Variants in AARS1 observed in about 807,000 individuals in gnomAD.
The protein encoded by AARS1 is alanyl-tRNA synthetase 1.
In AARS1, 72 loss-of-function variants were observed where a neutral mutation model predicts 108.9. The observed-to-expected ratio is 0.66, with a 90% CI of 0.55 to 0.80. The LOEUF is 0.80. Among genes scored for constraint, AARS1 ranks in the 30% least tolerant of loss-of-function variants. The pLI, the probability that AARS1 is intolerant of heterozygous loss-of-function variation, is 0.00. For missense variants in AARS1, 1,193 were observed against 1,233.2 expected, an observed-to-expected ratio of 0.97 and a Z score of 0.49; for synonymous variants, 489 against 465.7, an observed-to-expected ratio of 1.05 and a Z score of -0.64.
chr16:70,268,621 G>C (rs1046819337), intron 7 of AARS1, among the ~76,000 whole-genome samples: 1 of 152,180 alleles, frequency 6.6e-6, no homozygotes, highest in African/African-American at 2.4e-5. Flanking sequence ...GTTACCCATA[G>C]AGGGAGGAAA....
intron 5 of AARS1, among the ~76,000 whole-genome samples, chr16:70,271,075 T>C (rs963589624): frequency 3.3e-5 from 5 of 151,940 alleles, no homozygotes; most frequent in African/African-American, 4.8e-5. Flanking sequence ...CTCAGCAGGC[T>C]GAGGCAGGAG....
Position 70,253,365 on chromosome 16 carries a change from A to G in AARS1, c.2624T>C (p.Leu875Ser), listed in dbSNP as rs1252000918. The G allele has an allele frequency of 6.2e-7, 1 of 1,613,884 alleles. No homozygotes were observed. The highest frequency in any genetic ancestry group is 2.2e-5 in the East Asian group (1 of 44,896). ...AGGGGAGTGCATCTTGAAGAGCTTC[A>G]AGGCTTCATTCAGGGCCTGTGGGGA... ...GASAKALNEA[L>S]KLFKMHSPQT... Residue 875 changes from leucine to serine, a missense_variant, in exon 20 of 21, where the codon TTG (leucine) becomes TCG (serine). Transcript: ENST00000261772.
At chr16:70,288,465 T>C (rs1413170022) in intron 1 of AARS1, among the ~76,000 whole-genome samples, 1 of 151,908 alleles carries the variant, frequency 6.6e-6, no homozygotes, top group Non-Finnish European at 1.5e-5. Context: ...CCTCAAGTGT[T>C]TCCCTTCATA....
Position 70,271,784 on chromosome 16 carries a change from T to C in AARS1, c.668A>G (p.Asn223Ser). ...EIWNLVFIQYNREADGILKPL... is the reference protein window; with the variant it reads ...EIWNLVFIQYSREADGILKPL... ...TGGAGTAGGAACCCAAGGCTACCTGTTATACTGGATGAACACAAGGTTCCA... is the reference window on the plus strand; with the variant it reads ...TGGAGTAGGAACCCAAGGCTACCTGCTATACTGGATGAACACAAGGTTCCA... Residue 223 changes from asparagine (N) to serine (S), a missense_variant, in exon 5 of 21, where the codon AAC becomes AGC. Coordinates refer to ENST00000261772, the MANE Select transcript of AARS1 (RefSeq NM_001605.3). The C allele has an allele frequency of 6.2e-7, 1 of 1,613,886 alleles. No individual in the cohort carries two copies. Among genetic ancestry groups the C allele is most frequent in the Middle Eastern group, 1.7e-4 (1 of 6,054 alleles).
intron 1 of AARS1, among the ~76,000 whole-genome samples, chr16:70,287,702 CA>C (rs971832870): frequency 2.6e-5 from 4 of 151,958 alleles, no homozygotes; most frequent in African/African-American, 9.7e-5. Context: ...ATGGTCACAC[CA>C]AAACATTCCA....
In AARS1 at chr16:70,262,498, T is replaced by C. The variant is rs1064797212; in HGVS notation, c.1519A>G (p.Met507Val). 1.9e-6 allele frequency: 3 copies of C among 1,613,856 alleles called. No individual in the cohort carries two copies. Among genetic ancestry groups the C allele is most frequent in the Non-Finnish European group, 2.5e-6 (3 of 1,179,796 alleles). The change falls in exon 12 of 21, where the codon ATG (methionine) becomes GTG (valine). Residue 507 changes from methionine to valine, a missense_variant. Physicochemically the swap from Met to Val is conservative, Grantham distance 21. Transcript: ENST00000261772. ...YVFENTVATV[M>V]ALRREKMFVE... ...AACATCTTCTCCCTGCGCAGAGCCATCACCGTAGCCACTGTGTTCTCAAAT... is the reference window on the plus strand; with the variant it reads ...AACATCTTCTCCCTGCGCAGAGCCACCACCGTAGCCACTGTGTTCTCAAAT...
Position 70,258,922 on chromosome 16 carries a change from C to A in AARS1, c.1992+58G>T. 1.9e-6 allele frequency: 3 copies of A among 1,557,560 alleles called. No individual in the cohort carries two copies. The South Asian group carries it at 3.3e-5, about 17-fold the overall frequency. On this transcript the variant is annotated intron_variant, in intron 14 of 20. Coordinates refer to ENST00000261772, the MANE Select transcript of AARS1 (RefSeq NM_001605.3). ...GAGTGAGAGCACCGCACTGCTAAGA[C>A]TGTGGACAGACAGTGACGGTGTGGG...
chr16:70,264,908 C>G (rs1445065840), intron 11 of AARS1, 50 bp downstream of exon 11: 6 of 1,611,968 alleles, frequency 3.7e-6, no homozygotes, highest in Non-Finnish European at 5.1e-6. Context: ...TCAAATACCC[C>G]CCAGATACGG....
At chr16:70,259,241 C>A in intron 13 of AARS1, 55 bp from the exon 14 acceptor site, 1 of 1,538,438 alleles carries the variant, frequency 6.5e-7, no homozygotes, top group South Asian at 1.1e-5. Flanking sequence ...CTAGTTATCT[C>A]CTCGTTATCT....
intron 2 of AARS1, among the ~76,000 whole-genome samples, chr16:70,277,546 AG>A (rs1269352051): frequency 6.6e-6 from 1 of 152,100 alleles, no homozygotes; most frequent in Non-Finnish European, 1.5e-5. Context: ...AGTAAATGTG[AG>A]GAAGAAGAAA....
intron 1 of AARS1, 66 bp downstream of exon 1, chr16:70,289,355 C>G: frequency 5.6e-6 from 2 of 355,414 alleles, no homozygotes; most frequent in Non-Finnish European, 1.1e-5. Flanking sequence ...GGCTGCGGAG[C>G]TTTCCCCCCA....
chr16:70,275,054 G>T (rs1431753605), intron 4 of AARS1, among the ~76,000 whole-genome samples: 1 of 150,802 alleles, frequency 6.6e-6, no homozygotes, highest in Non-Finnish European at 1.5e-5. Flanking sequence ...GAAGTCAGGA[G>T]TTTGAGACTA....
chr16:70,272,988 A>C (rs1960447031), intron 4 of AARS1, among the ~76,000 whole-genome samples: 1 of 151,948 alleles, frequency 6.6e-6, no homozygotes, highest in East Asian at 1.9e-4. Flanking sequence ...CAGTACATGA[A>C]GTCAAGGTAA....
At chr16:70,287,851 C>A (rs1470096437) in intron 1 of AARS1, among the ~76,000 whole-genome samples, 1 of 152,122 alleles carries the variant, frequency 6.6e-6, no homozygotes, top group East Asian at 1.9e-4. Flanking sequence ...CCGCAATCTC[C>A]ACCTCCCGGC....
At chr16:70,265,203 A>T in intron 10 of AARS1, 101 bp from the exon 11 acceptor site, 1 of 1,465,858 alleles carries the variant, frequency 6.8e-7, no homozygotes, top group Non-Finnish European at 9.5e-7. Context: ...AACTGCCAGA[A>T]CAGGGTTTTT....
intron 15 of AARS1, among the ~76,000 whole-genome samples, chr16:70,256,347 C>A (rs1201395517): frequency 6.6e-6 from 1 of 152,116 alleles, no homozygotes; most frequent in African/African-American, 2.4e-5. Context: ...TTCTGTTGTT[C>A]AGGCTGGAGT....
At chr16:70,265,404 C>A (rs1008479638) in intron 10 of AARS1, 134 bp downstream of exon 10, 5 of 1,387,224 alleles carry the variant, frequency 3.6e-6, no homozygotes, top group Non-Finnish European at 5.1e-6. Context: ...GACTCGCCCC[C>A]ACTTGAGAAC....
At chr16:70,281,983 C>G (rs1960707120) in intron 2 of AARS1, among the ~76,000 whole-genome samples, 3 of 152,160 alleles carry the variant, frequency 2.0e-5, no homozygotes, top group African/African-American at 4.8e-5. Context: ...AACCCCATCT[C>G]TACTAAAAAT....
intron 1 of AARS1, among the ~76,000 whole-genome samples, chr16:70,286,515 C>G (rs191588152): frequency 3.9e-5 from 6 of 152,158 alleles, no homozygotes; most frequent in African/African-American, 7.2e-5. Context: ...CATGTGCCAC[C>G]AAACCCGACT....
Sources: gnomAD v4.1 joint callset for allele counts (sites outside exome capture counted in the v4.1 genomes callset) on GRCh38, gnomAD v4.1.1 for gene constraint, MANE v1.5 for transcripts, NCBI Gene and HGNC (gene_info 2026-07-23, HGNC 2026-07-21) for gene names.